Variants in COX10 observed in about 807,000 individuals in gnomAD.
COX10 encodes the protein protoheme IX farnesyltransferase, mitochondrial.
Under a neutral mutation model 37.3 loss-of-function variants are expected in COX10, and 27 were observed. That is an observed-to-expected ratio of 0.72 (90% CI 0.53 to 1.00). COX10 has a LOEUF of 1.00. Ranked by LOEUF, COX10 falls within the 50% of genes least tolerant of loss-of-function variation. The pLI is 0.00. For missense variants in COX10, 475 were observed against 563.2 expected (o/e 0.84, Z 1.59); for synonymous variants, 222 against 229.1 (o/e 0.97, Z 0.28).
intron 5 of COX10, among the ~76,000 whole-genome samples, chr17:14,164,960 T>A (rs942079809): frequency 7.9e-5 from 12 of 152,184 alleles, no homozygotes; most frequent in Non-Finnish European, 1.5e-4. Context: ...CCTAGGTCAG[T>A]CCTGGTTTGC....
intron 3 of COX10, among the ~76,000 whole-genome samples, chr17:14,092,872 A>G (rs62054156): frequency 0.054 from 8,235 of 152,256 alleles, 288 homozygotes; most frequent in Non-Finnish European, 0.075. Flanking sequence ...AAATCTACTA[A>G]CAAAAGCTTA....
chr17:14,126,575 GCTGC>G (rs1283192499), intron 4 of COX10, among the ~76,000 whole-genome samples: 2 of 152,048 alleles, frequency 1.3e-5, no homozygotes, highest in Non-Finnish European at 2.9e-5. Context: ...CATTTTTTAA[GCTGC>G]CTAATTGAAC....
At chr17:14,172,141 G>T (rs1423827345) in intron 5 of COX10, among the ~76,000 whole-genome samples, 1 of 151,910 alleles carries the variant, frequency 6.6e-6, no homozygotes, top group Non-Finnish European at 1.5e-5. Flanking sequence ...TAGGTCTTCC[G>T]TAAGTGATCA....
At chr17:14,204,465 T>C (rs1389538625) in intron 6 of COX10, among the ~76,000 whole-genome samples, 1 of 151,726 alleles carries the variant, frequency 6.6e-6, no homozygotes, top group Non-Finnish European at 1.5e-5. Flanking sequence ...CTCCTCCCTC[T>C]CTCCTCCCCT....
chr17:14,104,813 G>C (rs183690150), intron 4 of COX10, among the ~76,000 whole-genome samples: 309 of 152,226 alleles, frequency 2.0e-3, no homozygotes, highest in Admixed American at 5.5e-3. Flanking sequence ...TTATGAAGAA[G>C]TGACTAGTGC....
At chr17:14,123,669 A>C (rs917856556) in intron 4 of COX10, among the ~76,000 whole-genome samples, 2 of 152,172 alleles carry the variant, frequency 1.3e-5, no homozygotes, top group South Asian at 4.1e-4. Context: ...TTTAAGGTAA[A>C]TAATGTATCC....
chr17:14,152,450 C>A lies in COX10; in HGVS notation c.625-7427C>A, dbSNP rs115706316. Reference sequence around the variant, plus strand: ...CTACCATGATTCAGTTCTCTCCCACCAGGTCCCTCCCACAACACGTGGAAA... The same window carrying A: ...CTACCATGATTCAGTTCTCTCCCACAAGGTCCCTCCCACAACACGTGGAAA... On this transcript the variant is annotated intron_variant, in intron 4 of 6. Transcript: ENST00000261643. Among the ~76,000 whole-genome samples, 1,500 of 152,270 alleles carry A rather than the reference C, an allele frequency of 9.9e-3. 18 individuals are homozygous for A. The highest frequency in any genetic ancestry group is 0.034 in the African/African-American group (1,416 of 41,526).
Position 14,076,744 on chromosome 17 carries a change from C to T in COX10, c.187C>T (p.Gln63Ter). 1.2e-6 allele frequency: 2 copies of T among 1,614,154 alleles called. No individual in the cohort carries two copies. The highest frequency in any genetic ancestry group is 1.7e-6 in the Non-Finnish European group (2 of 1,180,024). ...FSFLKRMYVTQLNRSHNQQVR... is the reference protein window; with the variant it reads ...FSFLKRMYVT ...GTGCTTTTTTGTTTAGTATGTCACA[C>T]AGCTGAACAGAAGCCACAACCAGCA... Residue 63 changes from glutamine to a stop codon, truncating the protein, a stop_gained, in exon 3 of 7, where the codon CAG (glutamine) becomes TAG (stop). Transcript: ENST00000261643. LOFTEE classifies it high-confidence loss of function.
intron 4 of COX10, 26 bp downstream of exon 4, chr17:14,102,268 T>G (rs1405832550): frequency 3.1e-6 from 5 of 1,613,130 alleles, no homozygotes. Flanking sequence ...TCATCTAAAT[T>G]ATGTTATTGT....
intron 4 of COX10, among the ~76,000 whole-genome samples, chr17:14,155,427 A>C (rs1161785239): frequency 6.6e-6 from 1 of 151,718 alleles, no homozygotes; most frequent in Non-Finnish European, 1.5e-5. Context: ...GAAAGATAGG[A>C]GAGTGAGGCC....
chr17:14,080,415 A>C (rs1357679869), intron 3 of COX10, among the ~76,000 whole-genome samples: 2 of 151,770 alleles, frequency 1.3e-5, no homozygotes. Flanking sequence ...GGGTTTCACC[A>C]TGTTAGCCAG....
chr17:14,195,842 T>G (rs1597547099), intron 6 of COX10, among the ~76,000 whole-genome samples: 1 of 152,122 alleles, frequency 6.6e-6, no homozygotes, highest in South Asian at 2.1e-4. Flanking sequence ...GACCACACTT[T>G]AAGAACCACC....
chr17:14,136,485 C>T (rs1392239190), intron 4 of COX10, among the ~76,000 whole-genome samples: 1 of 151,994 alleles, frequency 6.6e-6, no homozygotes, highest in African/African-American at 2.4e-5. Flanking sequence ...TTTGCTCAGA[C>T]TGACATTTGG....
At chr17:14,142,963 T>C (rs938751864) in intron 4 of COX10, among the ~76,000 whole-genome samples, 6 of 152,176 alleles carry the variant, frequency 3.9e-5, no homozygotes, top group African/African-American at 1.4e-4. Context: ...ATGACAAATG[T>C]CTTACCCTGC....
intron 4 of COX10, among the ~76,000 whole-genome samples, chr17:14,127,591 A>G (rs1017938873): frequency 6.6e-6 from 1 of 152,194 alleles, no homozygotes; most frequent in Non-Finnish European, 1.5e-5. Flanking sequence ...ATTCATGTAG[A>G]TCAAAGCAAA....
chr17:14,124,165 A>G (rs1916285436), intron 4 of COX10, among the ~76,000 whole-genome samples: 1 of 152,150 alleles, frequency 6.6e-6, no homozygotes, highest in Admixed American at 6.6e-5. Context: ...TTGTTGCATC[A>G]AATATTGCAG....
chr17:14,156,878 C>G (rs1905051956), intron 4 of COX10, among the ~76,000 whole-genome samples: 1 of 152,174 alleles, frequency 6.6e-6, no homozygotes, highest in Non-Finnish European at 1.5e-5. Flanking sequence ...GTTCTCTTGT[C>G]TCAGTCTTTC....
At chr17:14,093,581 C>T (rs920810964) in intron 3 of COX10, among the ~76,000 whole-genome samples, 7 of 152,164 alleles carry the variant, frequency 4.6e-5, no homozygotes, top group Admixed American at 1.3e-4. Context: ...ATTTGTACTG[C>T]GAGTCCTGTA....
At chr17:14,073,596 A>G (rs1182273170) in intron 1 of COX10, among the ~76,000 whole-genome samples, 1 of 152,218 alleles carries the variant, frequency 6.6e-6, no homozygotes, top group African/African-American at 2.4e-5. Flanking sequence ...AAGAGGGAAC[A>G]TGGATACCTT....
Sources: allele counts gnomAD v4.1 joint callset (sites outside exome capture counted in the v4.1 genomes callset), GRCh38; gene constraint gnomAD v4.1.1; transcripts MANE v1.5; gene names NCBI Gene and HGNC (gene_info 2026-07-23, HGNC 2026-07-21).